Variants in GRID1 observed in about 807,000 individuals in gnomAD.
The protein encoded by GRID1 is glutamate ionotropic receptor delta type subunit 1.
A neutral mutation model predicts 98.0 loss-of-function variants in GRID1; 28 were observed. The observed-to-expected ratio is 0.29, with a 90% CI of 0.21 to 0.39. The LOEUF (loss-of-function observed/expected upper bound fraction) is 0.39, where lower values mean the gene tolerates loss of function less well. Among genes scored for constraint, GRID1 ranks in the 10% least tolerant of loss-of-function variants. The pLI, the probability that GRID1 is intolerant of heterozygous loss-of-function variation, is 1.00. For synonymous variants in GRID1, 553 were observed against 538.5 expected (o/e 1.03, Z -0.37); for missense variants, 1,111 against 1,340.5 (o/e 0.83, Z 2.67).
intron 12 of GRID1, among the ~76,000 whole-genome samples, chr10:85,652,235 T>C (rs890759829): frequency 6.6e-6 from 1 of 152,216 alleles, no homozygotes; most frequent in African/African-American, 2.4e-5. Flanking sequence ...AATCTTACTA[T>C]TTCCTAGATA....
intron 12 of GRID1, among the ~76,000 whole-genome samples, chr10:85,665,040 T>C (rs1841004130): frequency 6.6e-6 from 1 of 152,192 alleles, no homozygotes; most frequent in Non-Finnish European, 1.5e-5. Context: ...ATGCAAGTAA[T>C]TCCTCAATAA....
intron 4 of GRID1, among the ~76,000 whole-genome samples, chr10:86,010,101 C>T (rs1280673410): frequency 6.6e-6 from 1 of 152,230 alleles, no homozygotes; most frequent in Admixed American, 6.5e-5. Context: ...TCAGCTCAAA[C>T]TCTTTCTCCT....
chr10:86,106,935 G>A (rs887070235), intron 4 of GRID1, among the ~76,000 whole-genome samples: 7 of 152,000 alleles, frequency 4.6e-5, no homozygotes, highest in African/African-American at 1.5e-4. Flanking sequence ...TGAGGAGAGA[G>A]GTGAAGTTCT....
intron 15 of GRID1, 134 bp from the exon 16 acceptor site, chr10:85,602,835 G>A: frequency 1.6e-6 from 1 of 630,048 alleles, no homozygotes; most frequent in Admixed American, 2.9e-5. Flanking sequence ...CTTTCATGTG[G>A]CTCCCACCTC....
chr10:85,797,217 A>G (rs1467261195), intron 8 of GRID1, among the ~76,000 whole-genome samples: 1 of 152,064 alleles, frequency 6.6e-6, no homozygotes, highest in African/African-American at 2.4e-5. Context: ...TTAAATCAAA[A>G]TTTCAAATTT....
intron 3 of GRID1, among the ~76,000 whole-genome samples, chr10:86,194,805 G>A (rs1207536266): frequency 2.6e-5 from 4 of 151,896 alleles, no homozygotes; most frequent in Non-Finnish European, 4.4e-5. Context: ...GACTGCACTC[G>A]GCCACCAATG....
intron 2 of GRID1, among the ~76,000 whole-genome samples, chr10:86,313,637 G>A (rs1006640830): frequency 1.3e-5 from 2 of 152,124 alleles, no homozygotes; most frequent in African/African-American, 2.4e-5. Flanking sequence ...AATGACGTCC[G>A]GGAACTTGCC....
intron 2 of GRID1, among the ~76,000 whole-genome samples, chr10:86,294,495 G>A (rs764298193): frequency 6.6e-6 from 1 of 152,198 alleles, no homozygotes; most frequent in Non-Finnish European, 1.5e-5. Context: ...TTAGCCATGG[G>A]GGTGGTCAGT....
intron 8 of GRID1, among the ~76,000 whole-genome samples, chr10:85,843,048 G>T (rs1047814912): frequency 6.6e-6 from 1 of 151,992 alleles, no homozygotes. Context: ...ATCCAACAAT[G>T]TGTAAAACGT....
chr10:86,255,968 C>T (rs1427257750), intron 2 of GRID1, among the ~76,000 whole-genome samples: 1 of 152,228 alleles, frequency 6.6e-6, no homozygotes, highest in African/African-American at 2.4e-5. Context: ...GTAACCAGGG[C>T]TCCTGGAGAG....
At chr10:85,780,811 T>C (rs1302850901) in intron 8 of GRID1, among the ~76,000 whole-genome samples, 1 of 152,192 alleles carries the variant, frequency 6.6e-6, no homozygotes, top group Non-Finnish European at 1.5e-5. Context: ...GTCACAGTGG[T>C]GTTCTGAGGA....
intron 3 of GRID1, among the ~76,000 whole-genome samples, chr10:86,186,794 G>C (rs957157972): frequency 1.3e-5 from 2 of 152,110 alleles, no homozygotes; most frequent in African/African-American, 2.4e-5. Flanking sequence ...ACTTCCTTGG[G>C]TGACAACCCC....
At chr10:85,787,192 CAT>C (rs1309486518) in intron 8 of GRID1, among the ~76,000 whole-genome samples, 14 of 152,198 alleles carry the variant, frequency 9.2e-5, no homozygotes, top group Non-Finnish European at 1.8e-4. Flanking sequence ...AGATCACAGA[CAT>C]AGTGAATCCA....
chr10:86,202,826 C>G (rs557631838), intron 3 of GRID1, among the ~76,000 whole-genome samples: 2 of 152,320 alleles, frequency 1.3e-5, no homozygotes, highest in African/African-American at 4.8e-5. Context: ...AGGCCTTGCC[C>G]CACAAAGGAG....
intron 4 of GRID1, among the ~76,000 whole-genome samples, chr10:85,920,978 C>A (rs184133356): frequency 6.6e-6 from 1 of 152,208 alleles, no homozygotes; most frequent in Non-Finnish European, 1.5e-5. Context: ...GTGAATCCCA[C>A]GAGACCTAGC....
intron 2 of GRID1, among the ~76,000 whole-genome samples, chr10:86,350,444 G>A (rs909748266): frequency 2.0e-5 from 3 of 152,154 alleles, no homozygotes; most frequent in Admixed American, 1.3e-4. Flanking sequence ...CACTGGAGGT[G>A]GAGAGAACCA....
chr10:86,348,912 G>A (rs947239306), intron 2 of GRID1, among the ~76,000 whole-genome samples: 1 of 152,256 alleles, frequency 6.6e-6, no homozygotes, highest in Non-Finnish European at 1.5e-5. Flanking sequence ...TCCTAAGAAA[G>A]CTTGAGCATG....
intron 2 of GRID1, among the ~76,000 whole-genome samples, chr10:86,344,908 AGCAGCAC>A (rs1848360791): frequency 6.6e-6 from 1 of 152,230 alleles, no homozygotes; most frequent in African/African-American, 2.4e-5. Context: ...CTGGGAAGGG[AGCAGCAC>A]CGGGTCCCTC....
chr10:86,283,923 C>T (rs12256757), intron 2 of GRID1, among the ~76,000 whole-genome samples: 8,328 of 151,464 alleles, frequency 0.055, 424 homozygotes, highest in African/African-American at 0.14. Flanking sequence ...TGCCCTCACA[C>T]ATCTGCATAT....
Sources: gnomAD v4.1 joint callset for allele counts (sites outside exome capture counted in the v4.1 genomes callset) on GRCh38, gnomAD v4.1.1 for gene constraint, MANE v1.5 for transcripts, NCBI Gene and HGNC (gene_info 2026-07-23, HGNC 2026-07-21) for gene names.